The following NEBL variants were observed in gnomAD, a reference collection of about 807,000 sequenced individuals.
NEBL encodes the protein LIM and SH3 protein 2.
In NEBL, 122 loss-of-function variants were observed where a neutral mutation model predicts 140.2. The ratio of observed to expected loss-of-function variants is 0.87; its 90% CI spans 0.75 to 1.01. The LOEUF (loss-of-function observed/expected upper bound fraction) is 1.01, where lower values mean the gene tolerates loss of function less well. Ranked by LOEUF, NEBL falls within the 50% of genes least tolerant of loss-of-function variation. The pLI, the probability that NEBL is intolerant of heterozygous loss-of-function variation, is 0.00. For synonymous variants in NEBL, 436 were observed against 398.9 expected, an observed-to-expected ratio of 1.09 and a Z score of -1.11; for missense variants, 1,365 against 1,231.3, an observed-to-expected ratio of 1.11 and a Z score of -1.62.
At chr10:21,256,070 T>G (rs912628720) in intron 1 of NEBL, among the ~76,000 whole-genome samples, 3 of 152,162 alleles carry the variant, frequency 2.0e-5, no homozygotes, top group Non-Finnish European at 4.4e-5. Flanking sequence ...AAATTTATTT[T>G]TATGTCCCTG....
intron 3 of NEBL, among the ~76,000 whole-genome samples, chr10:20,993,480 G>A (rs867097508): frequency 1.3e-5 from 2 of 152,306 alleles, no homozygotes; most frequent in Non-Finnish European, 2.9e-5. Context: ...TACAATAATA[G>A]GCATTCACGC....
At chr10:21,031,967 T>A (rs1468340601) in intron 2 of NEBL, among the ~76,000 whole-genome samples, 1 of 152,190 alleles carries the variant, frequency 6.6e-6, no homozygotes, top group Admixed American at 6.5e-5. Flanking sequence ...AAACAGAACA[T>A]TTTTCCCTTG....
chr10:21,226,096 G>A (rs1842143434), intron 3 of NEBL, among the ~76,000 whole-genome samples: 1 of 151,928 alleles, frequency 6.6e-6, no homozygotes, highest in Non-Finnish European at 1.5e-5. Context: ...TCTTTAGTCA[G>A]CAGTTGATTA....
At position 21,276,563 on chromosome 10, in the gene NEBL, AT is replaced by A. The variant is rs543042043; in HGVS notation, n.182+16266del. 2.0e-4 allele frequency among the ~76,000 whole-genome samples: 30 copies of A among 152,350 alleles called. 1 individual carries two copies. In the East Asian group the frequency reaches 5.8e-3, roughly 29 times the overall value. The stretch of plus-strand genomic sequence containing the variant: ...GATTGCCACTCGAGTATGATGGCTC[AT>A]GCCTATAATCCCAGCCTTTGGGAGG... On this transcript the variant is annotated intron_variant and non_coding_transcript_variant, in intron 1 of 8. Transcript: ENST00000675702.
chr10:21,260,097 C>T lies in NEBL; in HGVS notation n.183-8269G>A, dbSNP rs1234917077. On this transcript the variant is annotated intron_variant and non_coding_transcript_variant, in intron 1 of 8. Coordinates refer to the NEBL transcript ENST00000675702. ...GGTTTTCCTGTTAGGCAAATCAATA[C>T]GTTTCCAGATTGCTTGAAATGGTTT... 2.4e-4 allele frequency among the ~76,000 whole-genome samples: 36 copies of T among 152,214 alleles called. 2 individuals carry two copies. Among genetic ancestry groups the T allele is most frequent in the Admixed American group, 2.2e-3 (34 of 15,282 alleles).
At chr10:21,079,495 T>A (rs1394159674) in intron 2 of NEBL, among the ~76,000 whole-genome samples, 2 of 152,166 alleles carry the variant, frequency 1.3e-5, no homozygotes, top group Non-Finnish European at 2.9e-5. Flanking sequence ...AATTTGTGGA[T>A]CCAGGACTGG....
chr10:20,905,271 C>T (rs1194322611), intron 4 of NEBL, among the ~76,000 whole-genome samples: 1 of 152,092 alleles, frequency 6.6e-6, no homozygotes, highest in Admixed American at 6.5e-5. Flanking sequence ...TAGCAGAAAC[C>T]AAGTGTATTA....
At chr10:20,796,118 T>C (rs1588618139) in intron 26 of NEBL, among the ~76,000 whole-genome samples, 1 of 152,004 alleles carries the variant, frequency 6.6e-6, no homozygotes, top group Non-Finnish European at 1.5e-5. Context: ...AATCCCAGCA[T>C]TTTGGGAGGC....
chr10:20,888,217 A>G lies in NEBL; in HGVS notation c.259-10T>C. ...TGCCTTTGTATTTTGCCTGGGGGAA[A>G]AAAAAACAGGAAAAAAATAAATAAA... is the stretch of plus-strand genomic sequence containing the variant. On this transcript the variant is annotated splice_polypyrimidine_tract_variant and intron_variant, in intron 3 of 27. Coordinates refer to ENST00000377122, the MANE Select transcript of NEBL (RefSeq NM_006393.3). The G allele has an allele frequency of 6.8e-7, 1 of 1,464,316 alleles. No homozygotes were observed. The highest frequency in any genetic ancestry group is 9.4e-7 in the Non-Finnish European group (1 of 1,067,528). The allele number at this position is 1,464,316 out of a possible 1,614,324, so 90.7% of individuals were successfully genotyped here.
chr10:20,850,524 A>G, intron 10 of NEBL, 22 bp from the exon 11 acceptor site: 4 of 1,492,716 alleles, frequency 2.7e-6, no homozygotes, highest in Non-Finnish European at 2.8e-6. Flanking sequence ...AAAGAAAAGC[A>G]TATACAAATC....
rs774968429 is a variant in NEBL, at chr10:20,809,861, G to A, written c.2556C>T (p.Phe852=). ...TATTGTCTTCCAGGGGATCAAGGTCGAAGATGGAGCCAGGATCTGTGCGCC... is the reference window on the plus strand; with the variant it reads ...TATTGTCTTCCAGGGGATCAAGGTCAAAGATGGAGCCAGGATCTGTGCGCC... ...KVWRTDPGSI[F]DLDPLEDNIQ... The change falls in exon 25 of 28, where the codon TTC becomes TTT. Residue 852 remains phenylalanine, a synonymous_variant. Transcript: ENST00000377122. The A allele has an allele frequency of 1.1e-5, 18 of 1,610,826 alleles. No homozygotes were observed. Among genetic ancestry groups the A allele is most frequent in the East Asian group, 4.5e-5 (2 of 44,612 alleles).
At chr10:21,257,767 C>G (rs1354669541) in intron 1 of NEBL, among the ~76,000 whole-genome samples, 1 of 152,068 alleles carries the variant, frequency 6.6e-6, no homozygotes, top group African/African-American at 2.4e-5. Context: ...CACCTGTAGT[C>G]CCAGCTACTT....
chr10:21,139,649 G>A (rs2132092257), intron 2 of NEBL, among the ~76,000 whole-genome samples: 1 of 152,268 alleles, frequency 6.6e-6, no homozygotes, highest in Non-Finnish European at 1.5e-5. Context: ...AATTGTATAA[G>A]AGGCACGTAT....
intron 26 of NEBL, among the ~76,000 whole-genome samples, chr10:20,802,965 G>A (rs1588636007): frequency 6.6e-6 from 1 of 152,088 alleles, no homozygotes; most frequent in South Asian, 2.1e-4. Context: ...GCCTAATAAG[G>A]TTAAATGACC....
At position 20,868,696 on chromosome 10, in the gene NEBL, G is replaced by T; in HGVS notation, c.652C>A (p.His218Asn). The T allele has an allele frequency of 6.2e-7, 1 of 1,612,358 alleles. No individual in the cohort carries two copies. Among genetic ancestry groups the T allele is most frequent in the Non-Finnish European group, 8.5e-7 (1 of 1,178,544 alleles). The change falls in exon 7 of 28, where the codon CAT becomes AAT. Residue 218 changes from histidine (H) to asparagine (N), a missense_variant. Transcript: ENST00000377122. The stretch of plus-strand genomic sequence containing the variant: ...GAAAGTTTAGAAGCTTCCACGGCAT[G>T]TTCAAAATCTGGTCTTCCAATTACA... ...PAVIGRPDFEHAVEASKLSSQ... is the reference protein window; with the variant it reads ...PAVIGRPDFENAVEASKLSSQ...
At chr10:21,068,208 T>A (rs1046375602) in intron 2 of NEBL, among the ~76,000 whole-genome samples, 8 of 152,240 alleles carry the variant, frequency 5.3e-5, no homozygotes, top group Admixed American at 4.6e-4. Context: ...AACACTTTTA[T>A]AAAGTTAAAA....
chr10:20,966,059 A>C (rs577643040), intron 3 of NEBL, among the ~76,000 whole-genome samples: 2 of 152,346 alleles, frequency 1.3e-5, no homozygotes, highest in South Asian at 4.1e-4. Flanking sequence ...AACGCATTCA[A>C]AGTCAAATGT....
chr10:21,281,098 T>C (rs924150808), intron 1 of NEBL, among the ~76,000 whole-genome samples: 2 of 152,166 alleles, frequency 1.3e-5, no homozygotes, highest in African/African-American at 4.8e-5. Context: ...CAAGCACAAA[T>C]GCTCTTCCAA....
At chr10:20,945,444 C>G (rs1333105700) in intron 4 of NEBL, among the ~76,000 whole-genome samples, 2 of 152,122 alleles carry the variant, frequency 1.3e-5, no homozygotes, top group Non-Finnish European at 2.9e-5. Flanking sequence ...AATGGAGGAA[C>G]AAGTAAAGTA....
Sources: gnomAD v4.1 joint callset for allele counts (sites outside exome capture counted in the v4.1 genomes callset) on GRCh38, gnomAD v4.1.1 for gene constraint, MANE v1.5 for transcripts, NCBI Gene and HGNC (gene_info 2026-07-23, HGNC 2026-07-21) for gene names.